Variants in SPATA6 observed in about 807,000 individuals in gnomAD.
SPATA6 encodes the protein spermatogenesis associated 6.
A neutral mutation model predicts 65.3 loss-of-function variants in SPATA6; 56 were observed. That is an observed-to-expected ratio of 0.86 (90% CI 0.69 to 1.07). SPATA6 has a LOEUF of 1.07. Among genes scored for constraint, SPATA6 ranks in the 50% least tolerant of loss-of-function variants. The pLI is 0.00. For missense variants in SPATA6, 590 were observed against 594.8 expected, an observed-to-expected ratio of 0.99 and a Z score of 0.08; for synonymous variants, 199 against 213.2, an observed-to-expected ratio of 0.93 and a Z score of 0.58.
chr1:48,328,610 G>C (rs1027774085), intron 11 of SPATA6, among the ~76,000 whole-genome samples: 1 of 152,018 alleles, frequency 6.6e-6, no homozygotes, highest in East Asian at 1.9e-4. Context: ...AATGAGGAGG[G>C]GGAGAATGGT....
chr1:48,441,258 G>GCC (rs1655441701), intron 3 of SPATA6, among the ~76,000 whole-genome samples: 1 of 152,170 alleles, frequency 6.6e-6, no homozygotes, highest in African/African-American at 2.4e-5. Context: ...ACCATTGAGG[G>GCC]CCAGGAAATT....
At chr1:48,408,958 T>C (rs1174310317) in intron 5 of SPATA6, among the ~76,000 whole-genome samples, 3 of 152,110 alleles carry the variant, frequency 2.0e-5, no homozygotes, top group Non-Finnish European at 4.4e-5. Context: ...CACCACATCA[T>C]TCAGTCCCTG....
At chr1:48,420,065 C>G (rs187670098) in intron 3 of SPATA6, among the ~76,000 whole-genome samples, 1 of 152,230 alleles carries the variant, frequency 6.6e-6, no homozygotes, top group Admixed American at 6.5e-5. Flanking sequence ...CAGCACCCCC[C>G]ACAAACTCTA....
chr1:48,364,882 G>A (rs1199694767), intron 9 of SPATA6, among the ~76,000 whole-genome samples: 1 of 152,182 alleles, frequency 6.6e-6, no homozygotes, highest in Non-Finnish European at 1.5e-5. Context: ...CCATGCCCAT[G>A]TCCTGAATGG....
the SPATA6 span, among the ~76,000 whole-genome samples, chr1:48,279,790 A>C: frequency 6.6e-6 from 1 of 152,204 alleles, no homozygotes; most frequent in Non-Finnish European, 1.5e-5. Context: ...GAAAGTTAAC[A>C]AGGATACCCA....
intron 11 of SPATA6, among the ~76,000 whole-genome samples, chr1:48,349,175 G>A (rs186069802): frequency 1.4e-3 from 205 of 151,792 alleles, no homozygotes; most frequent in Non-Finnish European, 2.2e-3. Context: ...AAATTTTTTT[G>A]GTACACAGAA....
At chr1:48,343,246 T>A (rs1317883838) in intron 11 of SPATA6, among the ~76,000 whole-genome samples, 1 of 152,128 alleles carries the variant, frequency 6.6e-6, no homozygotes, top group Non-Finnish European at 1.5e-5. Context: ...AGTTTCCCAT[T>A]GGCCAAAGTT....
chr1:48,384,143 G>A (rs1385700476), intron 9 of SPATA6, among the ~76,000 whole-genome samples: 10 of 150,070 alleles, frequency 6.7e-5, no homozygotes, highest in African/African-American at 1.5e-4. Context: ...AGACCAGCCC[G>A]GCCAACACAG....
At chr1:48,376,947 C>A (rs974195903) in intron 9 of SPATA6, among the ~76,000 whole-genome samples, 2 of 152,158 alleles carry the variant, frequency 1.3e-5, no homozygotes, top group Non-Finnish European at 2.9e-5. Flanking sequence ...TACAAAACGA[C>A]TGCCATATTT....
chr1:48,388,618 G>T (rs1649732644), intron 8 of SPATA6, among the ~76,000 whole-genome samples: 1 of 151,248 alleles, frequency 6.6e-6, no homozygotes, highest in South Asian at 2.1e-4. Flanking sequence ...GGACGTGAAT[G>T]AAACTTTTAC....
At chr1:48,436,058 T>C (rs1393577292) in intron 3 of SPATA6, 1 of 1,609,420 alleles carries the variant, frequency 6.2e-7, no homozygotes, top group Non-Finnish European at 8.5e-7. Context: ...CATCAATACT[T>C]GGTTGATGAG....
At chr1:48,273,892 G>A in the SPATA6 span, among the ~76,000 whole-genome samples, 5 of 152,120 alleles carry the variant, frequency 3.3e-5, no homozygotes, top group Non-Finnish European at 7.4e-5. Flanking sequence ...GGTATTGCTG[G>A]TTCTAGATCC....
Position 48,451,551 on chromosome 1 carries a change from C to T in SPATA6, c.238+1G>A. ...AGGAATTAAAAAGTTAAAAAACTTA[C>T]ATTCAAGCTGTGTAACCACATCTCC... is the stretch of plus-strand genomic sequence containing the variant. On this transcript the variant is annotated splice_donor_variant, in intron 3 of 12. Transcript: ENST00000371847. LOFTEE classifies it high-confidence loss of function. 2 of 1,608,142 alleles carry T rather than the reference C, an allele frequency of 1.2e-6. No individual in the cohort carries two copies. The highest frequency in any genetic ancestry group is 1.1e-5 in the South Asian group (1 of 89,376).
chr1:48,410,378 A>G (rs1364641853), intron 5 of SPATA6, among the ~76,000 whole-genome samples: 1 of 152,198 alleles, frequency 6.6e-6, no homozygotes, highest in Non-Finnish European at 1.5e-5. Context: ...AAGCCATTCA[A>G]CAAGTCTCTA....
chr1:48,413,295 CTTT>C (rs569870269), intron 3 of SPATA6, 144 bp from the exon 4 acceptor site: 38 of 187,024 alleles, frequency 2.0e-4, no homozygotes, highest in Non-Finnish European at 3.0e-4. Flanking sequence ...ATGTACACTT[CTTT>C]TTTTTTTTTT....
At chr1:48,408,523 A>G (rs1242996930) in intron 5 of SPATA6, among the ~76,000 whole-genome samples, 1 of 152,328 alleles carries the variant, frequency 6.6e-6, no homozygotes, top group East Asian at 1.9e-4. Context: ...CATATCAATT[A>G]TTTCAATTTT....
At chr1:48,280,702 A>G in the SPATA6 span, among the ~76,000 whole-genome samples, 12 of 152,238 alleles carry the variant, frequency 7.9e-5, no homozygotes, top group Non-Finnish European at 1.8e-4. Flanking sequence ...TAGCTTACCA[A>G]CCAAAGAGAG....
intron 12 of SPATA6, among the ~76,000 whole-genome samples, chr1:48,305,400 A>T (rs1369992108): frequency 6.6e-6 from 1 of 152,162 alleles, no homozygotes; most frequent in Non-Finnish European, 1.5e-5. Context: ...AACTTGTACA[A>T]ATGTTATTAT....
the SPATA6 span, among the ~76,000 whole-genome samples, chr1:48,270,111 G>A: frequency 1.3e-5 from 2 of 152,140 alleles, no homozygotes; most frequent in African/African-American, 4.8e-5. Flanking sequence ...TTAAACTTGT[G>A]GTTACTCAGC....
Sources: allele counts gnomAD v4.1 joint callset (sites outside exome capture counted in the v4.1 genomes callset), GRCh38; gene constraint gnomAD v4.1.1; transcripts MANE v1.5; gene names NCBI Gene and HGNC (gene_info 2026-07-23, HGNC 2026-07-21).